BICD2: variants seen among roughly 807,000 people sequenced by gnomAD.
BICD2 encodes the protein protein bicaudal D homolog 2.
BICD2 carries 25 observed loss-of-function variants against 72.9 expected under a neutral mutation model. That is an observed-to-expected ratio of 0.34 (90% CI 0.25 to 0.48). BICD2 has a LOEUF of 0.48. Ranked by LOEUF, BICD2 falls within the 20% of genes least tolerant of loss-of-function variation. The probability of loss-of-function intolerance (pLI) is 0.99; values close to 1 mark genes in which losing one functional copy is unlikely to be tolerated. For missense variants in BICD2, 894 were observed against 1,175.2 expected (o/e 0.76, Z 3.50); for synonymous variants, 501 against 516.1 (o/e 0.97, Z 0.40).
intron 1 of BICD2, among the ~76,000 whole-genome samples, chr9:92,754,266 A>T (rs1854211322): frequency 6.6e-6 from 1 of 152,176 alleles, no homozygotes; most frequent in South Asian, 2.1e-4. Context: ...CTGAGGTGGT[A>T]GAAGGTGGGT....
intron 1 of BICD2, among the ~76,000 whole-genome samples, chr9:92,742,819 CT>C (rs1189724668): frequency 2.6e-5 from 4 of 152,194 alleles, no homozygotes; most frequent in Non-Finnish European, 5.9e-5. Flanking sequence ...ACATTTCAGT[CT>C]TTTGTGACTG....
intron 1 of BICD2, among the ~76,000 whole-genome samples, chr9:92,750,465 GAGCA>G (rs1456132019): frequency 1.3e-5 from 2 of 150,720 alleles, no homozygotes; most frequent in African/African-American, 4.9e-5. Context: ...AAAAAAAAAA[GAGCA>G]ATCAAGCCAT....
In BICD2 at chr9:92,718,836, C is replaced by T. The variant is rs1199788255; in HGVS notation, c.1809G>A (p.Gly603=). The T allele has an allele frequency of 1.9e-6, 3 of 1,609,728 alleles. No individual in the cohort carries two copies. Among genetic ancestry groups the T allele is most frequent in the Middle Eastern group, 1.7e-4 (1 of 5,936 alleles). The change falls in exon 5 of 7, where the codon GGG becomes GGA. Residue 603 remains glycine (G), a synonymous_variant. Transcript: ENST00000356884. ...PEAGRADGGT[G]DSSPSPGSSL... ...AGGAGCCAGGCGAGGGGCTGCTGTC[C>T]CCCGTCCCACCATCTGCTCGGCCCG...
chr9:92,743,490 C>T (rs1174333311), intron 1 of BICD2, among the ~76,000 whole-genome samples: 1 of 151,538 alleles, frequency 6.6e-6, no homozygotes, highest in Non-Finnish European at 1.5e-5. Context: ...ATACCGTGTT[C>T]AGCCTCTTTC....
At position 92,718,448 on chromosome 9, in the gene BICD2, G is replaced by T. The variant is rs546215509; in HGVS notation, c.2106+91C>A. 6.8e-5 allele frequency: 100 copies of T among 1,469,118 alleles called. 1 individual carries two copies. Among genetic ancestry groups the T allele is most frequent in the African/African-American group, 6.4e-4 (46 of 71,642 alleles). 91.0% of individuals were successfully genotyped at this position (1,469,118 alleles called of 1,614,324 possible). On this transcript the variant is annotated intron_variant, in intron 5 of 6. Coordinates refer to ENST00000356884, the MANE Select transcript of BICD2 (RefSeq NM_001003800.2). ...TCTGGTGGTGACGCAGGCCTGGGGG[G>T]GCCCCGTGGCAGGGGGAGGAAGGAG...
intron 1 of BICD2, among the ~76,000 whole-genome samples, chr9:92,734,345 C>G (rs1372053431): frequency 1.3e-5 from 2 of 152,054 alleles, no homozygotes; most frequent in Non-Finnish European, 2.9e-5. Context: ...AAACCCGTCT[C>G]TACTAAAAAT....
chr9:92,747,251 A>C (rs1353837620), intron 1 of BICD2, among the ~76,000 whole-genome samples: 1 of 152,126 alleles, frequency 6.6e-6, no homozygotes, highest in Non-Finnish European at 1.5e-5. Flanking sequence ...CACCATCAAC[A>C]ACAGCAGCCA....
At chr9:92,750,578 G>A (rs1854126257) in intron 1 of BICD2, among the ~76,000 whole-genome samples, 1 of 152,098 alleles carries the variant, frequency 6.6e-6, no homozygotes, top group Non-Finnish European at 1.5e-5. Context: ...TGACATTCTG[G>A]AAAAGGCAAA....
At chr9:92,757,312 C>CAAAAAAAAAAAAAA (rs1169381290) in intron 1 of BICD2, among the ~76,000 whole-genome samples, 9 of 52,738 alleles carry the variant, frequency 1.7e-4, no homozygotes, top group East Asian at 1.1e-3. Context: ...AGACTGTCTC[C>CAAAAAAAAAAAAAA]AAAAAAAAAA....
At position 92,720,409 on chromosome 9, in the gene BICD2, G is replaced by C. The variant is rs757281343; in HGVS notation, c.953C>G (p.Ser318Cys). The change falls in exon 4 of 7, where the codon TCC becomes TGC. Residue 318 changes from serine to cysteine, a missense_variant. By Grantham distance (112) the Ser-to-Cys change is moderately radical. Coordinates refer to ENST00000356884, the MANE Select transcript of BICD2 (RefSeq NM_001003800.2). The surrounding 1 kb of genome is among the most constrained non-coding windows in gnomAD (Gnocchi z 5.4). ...LAKLPLDNKT[S>C]TPKKEGLAPP... ...TGCGAGGCCCTCCTTCTTGGGCGTG[G>C]AGGTCTTGTTGTCCAGTGGCAGCTT... 5 of 1,614,088 alleles carry C rather than the reference G, an allele frequency of 3.1e-6. No homozygotes were observed. Among genetic ancestry groups the C allele is most frequent in the Non-Finnish European group, 4.2e-6 (5 of 1,180,054 alleles).
At chr9:92,716,805 T>G (rs570297916) in intron 6 of BICD2, among the ~76,000 whole-genome samples, 3 of 152,344 alleles carry the variant, frequency 2.0e-5, no homozygotes, top group African/African-American at 7.2e-5. Context: ...ATTCCCAGCC[T>G]TGGGGTCTGA....
Position 92,740,538 on chromosome 9 carries a change from G to A in BICD2, c.241-11302C>T, listed in dbSNP as rs548531963. On this transcript the variant is annotated intron_variant, in intron 1 of 6. Transcript: ENST00000356884. ...AAGCAGTACTGTGCTGGGGCGGGGA[G>A]GGGGGGCGTTGTGGTGGATTGCACT... is the stretch of plus-strand genomic sequence containing the variant. 2.0e-5 allele frequency among the ~76,000 whole-genome samples: 3 copies of A among 151,918 alleles called. No homozygotes were observed. In the East Asian group the frequency reaches 5.8e-4, roughly 30 times the overall value.
chr9:92,714,872 TCACA>T lies in BICD2; in HGVS notation c.*278_*281del. ...GCGCAGGGCTTAGAAGATGCTTTCA[TCACA>T]CATCTGCTGCAAGAATGTGCAGCTC... On this transcript the variant is annotated 3_prime_UTR_variant, in exon 7 of 7. Transcript: ENST00000356884. 1 of 1,223,852 alleles carries T rather than the reference TCACA, an allele frequency of 8.2e-7. No individual in the cohort carries two copies. Among genetic ancestry groups the T allele is most frequent in the Non-Finnish European group, 1.0e-6 (1 of 979,014 alleles). The allele number at this position is 1,223,852 out of a possible 1,614,324, so 75.8% of individuals were successfully genotyped here.
intron 1 of BICD2, among the ~76,000 whole-genome samples, chr9:92,755,338 T>A (rs572001197): frequency 2.0e-4 from 31 of 152,356 alleles, no homozygotes; most frequent in African/African-American, 7.2e-4. Context: ...TAATTTCGCC[T>A]CGGTCCTGTG....
At position 92,717,876 on chromosome 9, in the gene BICD2, T is replaced by A. The variant is rs1256207191; in HGVS notation, c.2179A>T (p.Met727Leu). ...GCCTTGAGCTCATTGCGCAGCTTCA[T>A]CATGGTCTCGGTAACCATGGCCTTC... ...NEKAMVTETM[M>L]KLRNELKALK... The change falls in exon 6 of 7, where the codon ATG becomes TTG. Residue 727 changes from methionine to leucine, a missense_variant. Met to Leu is a conservative substitution (Grantham distance 15, BLOSUM62 2). Coordinates refer to ENST00000356884, the MANE Select transcript of BICD2 (RefSeq NM_001003800.2). The A allele has an allele frequency of 8.1e-6, 13 of 1,613,252 alleles. No individual in the cohort carries two copies. The highest frequency in any genetic ancestry group is 1.1e-5 in the Non-Finnish European group (13 of 1,180,026).
chr9:92,750,759 GT>G (rs894442468), intron 1 of BICD2, among the ~76,000 whole-genome samples: 9 of 152,094 alleles, frequency 5.9e-5, no homozygotes, highest in African/African-American at 1.2e-4. Context: ...CTTAATATTA[GT>G]ATGTGAATTG....
chr9:92,746,331 A>G (rs1854011838), intron 1 of BICD2, among the ~76,000 whole-genome samples: 1 of 152,166 alleles, frequency 6.6e-6, no homozygotes, highest in Non-Finnish European at 1.5e-5. Context: ...CAGGAGTTCA[A>G]GACCAGCCTG....
In BICD2 at chr9:92,717,834, C is replaced by T. The variant is rs1564059043; in HGVS notation, c.2221G>A (p.Ala741Thr). Reference protein sequence around the residue: ...NELKALKEDAATFSSLRAMFA... With the variant: ...NELKALKEDATTFSSLRAMFA... ...ATAGCACGCAGCGAGGAGAAGGTGG[C>T]TGCGTCCTCCTTGAGGGCCTTGAGC... Residue 741 changes from alanine to threonine, a missense_variant, in exon 6 of 7, where the codon GCC becomes ACC. Around this residue, in one of 5 missense-constraint regions of BICD2, gnomAD observed 321 missense variants for 443.9 expected, o/e 0.72. Transcript: ENST00000356884. 6.2e-7 allele frequency: 1 copy of T among 1,612,158 alleles called. No individual in the cohort carries two copies. Among genetic ancestry groups the T allele is most frequent in the African/African-American group, 1.3e-5 (1 of 74,836 alleles).
Position 92,714,133 on chromosome 9 carries a change from G to C in BICD2, c.*1021C>G, listed in dbSNP as rs1853250487. The C allele has an allele frequency of 1.9e-5, 19 of 985,620 alleles. No individual in the cohort carries two copies. The highest frequency in any genetic ancestry group is 2.3e-5 in the Non-Finnish European group (19 of 830,090). 61.1% of individuals were successfully genotyped at this position (985,620 alleles called of 1,614,324 possible). On this transcript the variant is annotated 3_prime_UTR_variant, in exon 7 of 7. Transcript: ENST00000356884. The stretch of plus-strand genomic sequence containing the variant: ...AAAGAGACCTAAACATCTCCTACCT[G>C]TGAATCCTGACAAGTGGCCCTGGCC...
Sources: allele counts gnomAD v4.1 joint callset (sites outside exome capture counted in the v4.1 genomes callset), GRCh38; gene constraint gnomAD v4.1.1; regional missense constraint gnomAD v4.1.1; non-coding constraint Gnocchi (gnomAD v3.1); transcripts MANE v1.5; gene names NCBI Gene and HGNC (gene_info 2026-07-23, HGNC 2026-07-21).